Variants in ITPR1 observed in about 807,000 individuals in gnomAD.
ITPR1 encodes the protein inositol 1,4,5-trisphosphate-gated calcium channel ITPR1.
In ITPR1, 96 loss-of-function variants were observed where a neutral mutation model predicts 318.4. The observed-to-expected ratio is 0.30, with a 90% confidence interval of 0.26 to 0.36. ITPR1 has a LOEUF of 0.36. ITPR1 is among the 10% of genes least tolerant of loss of function. The pLI, the probability that ITPR1 is intolerant of heterozygous loss-of-function variation, is 1.00. For synonymous variants in ITPR1, 1,312 were observed against 1,289.9 expected (o/e 1.02, Z -0.37); for missense variants, 2,440 against 3,460.2 (o/e 0.71, Z 7.40).
chr3:4,654,971 CTTGT>C (rs2093674183), intron 12 of ITPR1, among the ~76,000 whole-genome samples: 1 of 152,114 alleles, frequency 6.6e-6, no homozygotes, highest in East Asian at 1.9e-4. Flanking sequence ...TTTTTTCATC[CTTGT>C]CACCCCTATT....
intron 42 of ITPR1, among the ~76,000 whole-genome samples, chr3:4,727,640 T>C (rs2125309619): frequency 6.6e-6 from 1 of 152,350 alleles, no homozygotes; most frequent in East Asian, 1.9e-4. Context: ...AGTGGTGCAA[T>C]CTCAGCTCAC....
intron 30 of ITPR1, among the ~76,000 whole-genome samples, chr3:4,687,422 C>G (rs1163316136): frequency 6.6e-6 from 1 of 152,182 alleles, no homozygotes; most frequent in Non-Finnish European, 1.5e-5. Context: ...AACAGCGACA[C>G]TGAGAGGCTA....
intron 54 of ITPR1, among the ~76,000 whole-genome samples, chr3:4,803,625 A>G (rs191407293): frequency 5.9e-5 from 9 of 152,340 alleles, no homozygotes; most frequent in Non-Finnish European, 1.0e-4. Flanking sequence ...ACCATTTAAG[A>G]AAGAAATACA....
At chr3:4,596,291 C>CAA (rs2090811908) in intron 4 of ITPR1, 3 of 152,146 alleles carry the variant, frequency 2.0e-5, no homozygotes, top group African/African-American at 7.2e-5. Context: ...AGGCTTTTTA[C>CAA]CATAAGATAA....
intron 36 of ITPR1, among the ~76,000 whole-genome samples, chr3:4,705,823 C>T (rs911257499): frequency 2.0e-5 from 3 of 152,128 alleles, no homozygotes; most frequent in Non-Finnish European, 4.4e-5. Flanking sequence ...CAAACGAGTT[C>T]CCTGTCTTGA....
intron 32 of ITPR1, 95 bp from the exon 33 acceptor site, chr3:4,693,395 T>C (rs2094509450): frequency 8.0e-6 from 11 of 1,373,994 alleles, no homozygotes; most frequent in Non-Finnish European, 1.0e-5. Flanking sequence ...AGATAAATGC[T>C]AACAGAACCT....
At chr3:4,634,952 A>G (rs1329523316) in intron 5 of ITPR1, among the ~76,000 whole-genome samples, 1 of 152,238 alleles carries the variant, frequency 6.6e-6, no homozygotes, top group Non-Finnish European at 1.5e-5. Context: ...CATGTTGGCC[A>G]GGCTGGTGTT....
intron 26 of ITPR1, among the ~76,000 whole-genome samples, chr3:4,682,845 A>G (rs1210461992): frequency 6.6e-6 from 1 of 151,830 alleles, no homozygotes; most frequent in Admixed American, 6.6e-5. Flanking sequence ...ATTGACTAGC[A>G]GTGCTCAGTT....
chr3:4,718,056 C>G lies in ITPR1; in HGVS notation c.5136+657C>G, dbSNP rs559531622. On this transcript the variant is annotated intron_variant, in intron 40 of 61. Transcript: ENST00000649015. ...TGTACTTATATATCAAGCTAGTTTCCCGTACCCAGAATTACCATGGAGACT... is the reference window on the plus strand; with the variant it reads ...TGTACTTATATATCAAGCTAGTTTCGCGTACCCAGAATTACCATGGAGACT... Among the ~76,000 whole-genome samples, 3 of 152,274 alleles carry G rather than the reference C, an allele frequency of 2.0e-5. No homozygotes were observed. The East Asian group carries it at 5.8e-4, about 29-fold the overall frequency.
At chr3:4,573,857 T>C (rs2125040787) in intron 4 of ITPR1, among the ~76,000 whole-genome samples, 1 of 152,354 alleles carries the variant, frequency 6.6e-6, no homozygotes, top group Middle Eastern at 3.4e-3. Flanking sequence ...TCGTAGTGTA[T>C]TTATTTGTGA....
intron 30 of ITPR1, 37 bp from the exon 31 acceptor site, chr3:4,688,458 C>G: frequency 6.2e-7 from 1 of 1,609,824 alleles, no homozygotes; most frequent in East Asian, 2.2e-5. Context: ...TCTCCTGGCC[C>G]AGCAATCAGT....
intron 44 of ITPR1, among the ~76,000 whole-genome samples, chr3:4,754,940 C>A (rs371054959): frequency 1.3e-5 from 2 of 152,304 alleles, no homozygotes; most frequent in South Asian, 2.1e-4. Flanking sequence ...ACGGCTGTGC[C>A]GTGTATCCCC....
intron 44 of ITPR1, among the ~76,000 whole-genome samples, chr3:4,763,723 A>G (rs1458869481): frequency 6.6e-6 from 1 of 152,262 alleles, no homozygotes; most frequent in Non-Finnish European, 1.5e-5. Context: ...GGAAACACAC[A>G]CAGCAATGTG....
At chr3:4,815,353 G>C in intron 59 of ITPR1, 135 bp downstream of exon 59, 1 of 741,940 alleles carries the variant, frequency 1.3e-6, no homozygotes, top group Non-Finnish European at 2.2e-6. Context: ...GCTTCGTCTT[G>C]ACTCTTCTAC....
rs569811612 is a variant in ITPR1 at position 4,534,821 on chromosome 3, C to T, written c.163+13727C>T. Among the ~76,000 whole-genome samples, 289 of 152,280 alleles carry T rather than the reference C, an allele frequency of 1.9e-3. 1 individual carries two copies. Among genetic ancestry groups the T allele is most frequent in the Non-Finnish European group, 3.4e-3 (233 of 68,004 alleles). On this transcript the variant is annotated intron_variant, in intron 4 of 61. Transcript: ENST00000649015. ...CTGTGACTAAGGTCCTCTCCTCCCC[C>T]TATAACCATTCCCAGAATCGTGGCA...
intron 36 of ITPR1, among the ~76,000 whole-genome samples, chr3:4,704,981 G>C (rs60871539): frequency 1.3e-5 from 2 of 152,052 alleles, no homozygotes; most frequent in Non-Finnish European, 2.9e-5. Flanking sequence ...ATATTAGACT[G>C]TTAGAAAGTT....
At chr3:4,664,560 G>A (rs1034335095) in intron 16 of ITPR1, among the ~76,000 whole-genome samples, 1 of 152,212 alleles carries the variant, frequency 6.6e-6, no homozygotes, top group Admixed American at 6.5e-5. Flanking sequence ...TCCAGTTCAA[G>A]AGTAAATGTC....
chr3:4,725,750 GC>G (rs2042471124), intron 41 of ITPR1, among the ~76,000 whole-genome samples, 169 bp downstream of exon 41: 1 of 152,156 alleles, frequency 6.6e-6, no homozygotes, highest in South Asian at 2.1e-4. Flanking sequence ...CGTGGATGTG[GC>G]TCTCAGTGTA....
At chr3:4,605,755 A>G (rs527440475) in intron 4 of ITPR1, among the ~76,000 whole-genome samples, 5 of 152,272 alleles carry the variant, frequency 3.3e-5, no homozygotes, top group Non-Finnish European at 7.4e-5. Context: ...AAAAATGACC[A>G]TGAGTGCCCA....
Sources: gnomAD v4.1 joint callset for allele counts (sites outside exome capture counted in the v4.1 genomes callset) on GRCh38, gnomAD v4.1.1 for gene constraint, MANE v1.5 for transcripts, NCBI Gene and HGNC (gene_info 2026-07-23, HGNC 2026-07-21) for gene names.